The following AATK variants were observed in gnomAD, a reference collection of about 807,000 sequenced individuals.
AATK encodes the protein serine/threonine-protein kinase LMTK1.
Under a neutral mutation model 114.3 loss-of-function variants are expected in AATK, and 91 were observed. The observed-to-expected ratio is 0.80, with a 90% confidence interval of 0.67 to 0.95. AATK has a LOEUF of 0.95. AATK is among the 40% of genes least tolerant of loss of function. AATK has a pLI of 0.00. For synonymous variants in AATK, 1,075 were observed against 916.5 expected (o/e 1.17, Z -3.12); for missense variants, 2,176 against 1,965.2 (o/e 1.11, Z -2.03).
chr17:81,138,083 T>G lies in AATK; in HGVS notation c.56-3582A>C, dbSNP rs548693248. ...ACCCGTGCACCCGGACCCACACCTG[T>G]GTGCACACACGCGGACACATACGTG... On this transcript the variant is annotated intron_variant, in intron 1 of 13. Coordinates refer to ENST00000326724, the MANE Select transcript of AATK (RefSeq NM_001080395.3). Among the ~76,000 whole-genome samples the G allele has an allele frequency of 2.1e-5, 3 of 140,150 alleles. No homozygotes were observed. In the East Asian group the frequency reaches 6.7e-4, roughly 31 times the overall value. 91.9% of individuals were successfully genotyped at this position (140,150 alleles called of 152,430 possible).
rs2060818865 is a variant in AATK, at chr17:81,126,165, G to T, written c.755+262C>A. Among the ~76,000 whole-genome samples, 1 of 152,216 alleles carries T rather than the reference G, an allele frequency of 6.6e-6. No homozygotes were observed. The highest frequency in any genetic ancestry group is 2.1e-4 in the South Asian group (1 of 4,834). On this transcript the variant is annotated intron_variant, in intron 7 of 13. Transcript: ENST00000326724. This position sits in a 1 kb window ranked among gnomAD's most constrained non-coding sequence, Gnocchi z 5.1. Reference sequence around the variant, plus strand: ...GGCGCGGGGCTGCAGGGTGCTGGCTGACTGCCTCGGGGACAGAGAACAGGC... The same window carrying T: ...GGCGCGGGGCTGCAGGGTGCTGGCTTACTGCCTCGGGGACAGAGAACAGGC...
rs577276436 is a variant in AATK at position 81,120,736 on chromosome 17, G to A, written c.3200C>T (p.Pro1067Leu). The A allele has an allele frequency of 5.1e-6, 8 of 1,575,156 alleles. No homozygotes were observed. The highest frequency in any genetic ancestry group is 1.8e-5 in the Admixed American group (1 of 55,016). Reference protein sequence around the residue: ...PPLLQLEGSSPEPSTCPSGLV... With the variant: ...PPLLQLEGSSLEPSTCPSGLV... ...GCCCGAGGGGCAGGTGCTGGGCTCT[G>A]GGGAGGACCCTTCAAGCTGCAGCAG... Residue 1067 changes from proline to leucine, a missense_variant, in exon 11 of 14, where the codon CCA (proline) becomes CTA (leucine). Physicochemically the swap from Pro to Leu is moderately conservative, Grantham distance 98. This residue lies in a region of AATK where 1,701 missense variants were observed against 1,394.7 expected (regional missense o/e 1.22). Transcript: ENST00000326724.
At chr17:81,158,958 C>T (rs2061399092) in intron 1 of AATK, among the ~76,000 whole-genome samples, 1 of 152,200 alleles carries the variant, frequency 6.6e-6, no homozygotes, top group African/African-American at 2.4e-5. Context: ...CAGCGAAAAC[C>T]TCAGGGCCCA....
intron 1 of AATK, among the ~76,000 whole-genome samples, chr17:81,163,412 C>G (rs1341745604): frequency 3.9e-5 from 6 of 152,346 alleles, no homozygotes; most frequent in South Asian, 4.1e-4. Context: ...CATGTGTCAC[C>G]CCCATCACCC....
intron 1 of AATK, among the ~76,000 whole-genome samples, chr17:81,138,317 GCACACATACCCACACATGCACACC>G (rs1436369334): frequency 3.7e-5 from 5 of 135,180 alleles, no homozygotes; most frequent in Non-Finnish European, 6.3e-5. Flanking sequence ...CCACACACGT[GCACACATACCCACACATGCACACC>G]CACACATACC....
At chr17:81,132,835 C>CTGGT (rs1324970607) in intron 2 of AATK, 3 of 231,700 alleles carry the variant, frequency 1.3e-5, no homozygotes, top group Non-Finnish European at 2.7e-5. Flanking sequence ...CAGGGGCACA[C>CTGGT]TGGTGCTGGA....
chr17:81,140,690 G>GA (rs1567819453), intron 1 of AATK, among the ~76,000 whole-genome samples: 32 of 93,006 alleles, frequency 3.4e-4, no homozygotes, highest in African/African-American at 1.2e-3. Context: ...GGGCCGTGGG[G>GA]CCGTTGAGCT....
chr17:81,142,164 A>G (rs997593959), intron 1 of AATK, among the ~76,000 whole-genome samples: 10 of 152,068 alleles, frequency 6.6e-5, no homozygotes, highest in Non-Finnish European at 1.0e-4. Context: ...TCACTATGTT[A>G]GCCAGGCTGG....
rs2060715974 is a variant in AATK at position 81,122,758 on chromosome 17, AG to A, written c.1177del (p.Leu393CysfsTer74). The part of the protein sequence containing the change: ...EQRPTAEEVH[L>X]LLSYLCAKGA... ...CTTGGCACACAGGTAGGACAGCAGC[AG>A]GTGCACCTCCTCGGCTGTGGGCCGC... On this transcript the variant is annotated frameshift_variant, in exon 11 of 14. Coordinates refer to ENST00000326724, the MANE Select transcript of AATK (RefSeq NM_001080395.3). LOFTEE classifies it high-confidence loss of function. 1 of 1,599,340 alleles carries A rather than the reference AG, an allele frequency of 6.3e-7. No homozygotes were observed. Among genetic ancestry groups the A allele is most frequent in the Non-Finnish European group, 8.5e-7 (1 of 1,174,160 alleles).
chr17:81,122,107 G>T lies in AATK; in HGVS notation c.1829C>A (p.Pro610His). The T allele has an allele frequency of 6.4e-7, 1 of 1,566,632 alleles. No individual in the cohort carries two copies. Reference protein sequence around the residue: ...ARDPLCPSRSPSPSAGPLSLA... With the variant: ...ARDPLCPSRSHSPSAGPLSLA... ...ACTCAGGGGCCCCGCCGAGGGCGAG[G>T]GAGAGCGTGAGGGGCAGAGCGGGTC... is the stretch of plus-strand genomic sequence containing the variant. The change falls in exon 11 of 14, where the codon CCC becomes CAC. Residue 610 changes from proline to histidine, a missense_variant. Physicochemically the swap from Pro to His is moderately conservative, Grantham distance 77. This residue lies in a region of AATK where 1,701 missense variants were observed against 1,394.7 expected (regional missense o/e 1.22). Coordinates refer to ENST00000326724, the MANE Select transcript of AATK (RefSeq NM_001080395.3).
chr17:81,146,113 C>T (rs1188018498), intron 1 of AATK, among the ~76,000 whole-genome samples: 1 of 150,552 alleles, frequency 6.6e-6, no homozygotes, highest in East Asian at 2.0e-4. Context: ...GACTTGAACT[C>T]AGGAGGTGGA....
At chr17:81,153,991 A>AGC (rs2061329979) in intron 1 of AATK, among the ~76,000 whole-genome samples, 10 of 152,126 alleles carry the variant, frequency 6.6e-5, no homozygotes, top group Middle Eastern at 3.2e-3. Context: ...GAATTGCTTG[A>AGC]ACCTGGGAGG....
chr17:81,132,561 GC>G, intron 2 of AATK: 1 of 183,416 alleles, frequency 5.5e-6, no homozygotes, highest in Non-Finnish European at 1.2e-5. Context: ...TCCAATCCCA[GC>G]CCCGGCCTGG....
chr17:81,130,934 C>G, intron 3 of AATK, 127 bp downstream of exon 3: 2 of 1,220,040 alleles, frequency 1.6e-6, no homozygotes, highest in Non-Finnish European at 2.2e-6. Context: ...GTCTACCCCA[C>G]AGGCCACTCC....
At chr17:81,127,123 A>T (rs2060846934) in intron 6 of AATK, among the ~76,000 whole-genome samples, 2 of 16,166 alleles carry the variant, frequency 1.2e-4, no homozygotes, top group African/African-American at 2.5e-4. Context: ...GGCAGGTCTC[A>T]GGGGGAGGGG....
In AATK at chr17:81,135,567, GTGT is replaced by G. The variant is rs919058586; in HGVS notation, c.56-1069_56-1067del. Among the ~76,000 whole-genome samples the G allele has an allele frequency of 5.0e-4, 76 of 152,236 alleles. 1 individual carries two copies. The highest frequency in any genetic ancestry group is 1.7e-3 in the African/African-American group (71 of 41,532). ...CTCCTGGCCCAGCACACCCCCAAAG[GTGT>G]TGTCATCTCTACCCCACTGGACGAG... is the stretch of plus-strand genomic sequence containing the variant. On this transcript the variant is annotated intron_variant, in intron 1 of 13. Transcript: ENST00000326724.
Position 81,121,559 on chromosome 17 carries a change from G to A in AATK, c.2377C>T (p.Arg793Cys), listed in dbSNP as rs114704103. ...GAGGGGACGGAAGGAAGGGGCAGGC[G>A]GGGTCCGGTAGTGCCCTCAGCCTCC... ...ATEAEGTTGPRLPLPSVPSPS... is the reference protein window; with the variant it reads ...ATEAEGTTGPCLPLPSVPSPS... Residue 793 changes from arginine (R) to cysteine (C), a missense_variant, in exon 11 of 14, where the codon CGC (arginine) becomes TGC (cysteine). Physicochemically the swap from Arg to Cys is radical, Grantham distance 180. Transcript: ENST00000326724. The A allele has an allele frequency of 8.2e-5, 125 of 1,525,264 alleles. 1 individual carries two copies. The African/African-American group carries it at 1.2e-3, about 15-fold the overall frequency. 94.5% of individuals were successfully genotyped at this position (1,525,264 alleles called of 1,614,324 possible).
chr17:81,148,169 C>A lies in AATK; in HGVS notation c.56-13668G>T, dbSNP rs1249758772. 2.6e-5 allele frequency among the ~76,000 whole-genome samples: 4 copies of A among 152,034 alleles called. 1 individual carries two copies. The highest frequency in any genetic ancestry group is 9.7e-5 in the African/African-American group (4 of 41,384). ...AGGTAGAAATCCAGCTGGTTGCATC[C>A]TGTACTTGCACGTTTTCTACAACAA... On this transcript the variant is annotated intron_variant, in intron 1 of 13. Transcript: ENST00000326724.
At chr17:81,144,998 C>T (rs968801374) in intron 1 of AATK, among the ~76,000 whole-genome samples, 15 of 151,718 alleles carry the variant, frequency 9.9e-5, no homozygotes, top group Admixed American at 5.2e-4. Flanking sequence ...TTTGGGAGGC[C>T]GAGGTGAGTG....
Sources: allele counts gnomAD v4.1 joint callset (sites outside exome capture counted in the v4.1 genomes callset), GRCh38; gene constraint gnomAD v4.1.1; regional missense constraint gnomAD v4.1.1; non-coding constraint Gnocchi (gnomAD v3.1); transcripts MANE v1.5; gene names NCBI Gene and HGNC (gene_info 2026-07-23, HGNC 2026-07-21).